The following POTEJ variants were observed in gnomAD, a reference collection of about 807,000 sequenced individuals.
The protein encoded by POTEJ is POTE ankyrin domain family member J, also known as POTE ankyrin domain family, member J.
In POTEJ, 11 loss-of-function variants were observed where a neutral mutation model predicts 69.0. That is an observed-to-expected ratio of 0.16 (90% CI 0.10 to 0.26). The LOEUF is 0.26. Ranked by LOEUF, POTEJ falls within the 10% of genes least tolerant of loss-of-function variation. The pLI is 1.00. For missense variants in POTEJ, 327 were observed against 1,045.5 expected (o/e 0.31, Z 9.48); for synonymous variants, 117 against 381.1 (o/e 0.31, Z 8.07).
chr2:130,649,598 G>A (rs1470537158), intron 13 of POTEJ, among the ~76,000 whole-genome samples: 1 of 152,182 alleles, frequency 6.6e-6, no homozygotes, highest in East Asian at 1.9e-4. Context: ...TCATTCCTCT[G>A]CCCCAGCCCT....
At chr2:130,618,558 A>G (rs2105199460) in intron 3 of POTEJ, among the ~76,000 whole-genome samples, 1 of 147,570 alleles carries the variant, frequency 6.8e-6, no homozygotes, top group Non-Finnish European at 1.5e-5. Flanking sequence ...GGTCAACATA[A>G]TGAGACCCTG....
intron 8 of POTEJ, among the ~76,000 whole-genome samples, 159 bp from the exon 9 acceptor site, chr2:130,632,331 T>C (rs1685934202): frequency 6.7e-6 from 1 of 148,190 alleles, no homozygotes; most frequent in Non-Finnish European, 1.5e-5. Flanking sequence ...TAATTACATC[T>C]TAAAGTTATA....
At chr2:130,624,597 T>G (rs1346580695) in intron 6 of POTEJ, among the ~76,000 whole-genome samples, 3 of 152,068 alleles carry the variant, frequency 2.0e-5, no homozygotes, top group Non-Finnish European at 2.9e-5. Context: ...GAAGCTTCCC[T>G]GGCTTGCCTG....
At chr2:130,646,666 G>A (rs1325039447) in intron 13 of POTEJ, among the ~76,000 whole-genome samples, 4 of 144,134 alleles carry the variant, frequency 2.8e-5, no homozygotes, top group African/African-American at 5.3e-5. Flanking sequence ...CAAAATACTC[G>A]AAAGGTAGTT....
chr2:130,621,304 G>A (rs1293015779), intron 4 of POTEJ, among the ~76,000 whole-genome samples, 162 bp from the exon 5 acceptor site: 2 of 152,130 alleles, frequency 1.3e-5, no homozygotes, highest in Non-Finnish European at 2.9e-5. Context: ...TAACCTTTGT[G>A]GTATTTTACA....
chr2:130,647,127 T>C (rs529792339), intron 13 of POTEJ, among the ~76,000 whole-genome samples: 4 of 150,854 alleles, frequency 2.7e-5, no homozygotes, highest in African/African-American at 1.0e-4. Context: ...AAATAATGTA[T>C]TATGCAACCA....
chr2:130,632,101 G>T (rs1685925964), intron 8 of POTEJ, among the ~76,000 whole-genome samples: 1 of 148,986 alleles, frequency 6.7e-6, no homozygotes, highest in Non-Finnish European at 1.5e-5. Flanking sequence ...AAATCTAGGT[G>T]GTAAAGACAG....
In POTEJ at chr2:130,633,368, T is replaced by TATA. The variant is rs540683527; in HGVS notation, c.1298+713_1298+714insTAA. Among the ~76,000 whole-genome samples the TATA allele has an allele frequency of 7.0e-4, 96 of 137,194 alleles. No individual in the cohort carries two copies. In the East Asian group the frequency reaches 0.013, roughly 18 times the overall value. The allele number at this position is 137,194 out of a possible 152,430, so 90.0% of individuals were successfully genotyped here. ...GATTTGTTACATATATACTTATGTA[T>TATA]AAGGACATTTATTACAGCATTATTA... On this transcript the variant is annotated intron_variant, in intron 9 of 14. Coordinates refer to ENST00000409602, the MANE Select transcript of POTEJ (RefSeq NM_001277083.2).
At chr2:130,644,405 G>T (rs1206879915) in intron 11 of POTEJ, among the ~76,000 whole-genome samples, 2 of 151,512 alleles carry the variant, frequency 1.3e-5, no homozygotes, top group African/African-American at 4.9e-5. Context: ...AGGAGAGGGA[G>T]CTTGCAGTGA....
chr2:130,629,009 A>G (rs1685807678), intron 6 of POTEJ, among the ~76,000 whole-genome samples: 2 of 151,096 alleles, frequency 1.3e-5, no homozygotes, highest in Non-Finnish European at 1.5e-5. Flanking sequence ...ACAGAGCAAG[A>G]CCCTGGCTCA....
intron 10 of POTEJ, among the ~76,000 whole-genome samples, chr2:130,640,886 C>T (rs1573989216): frequency 6.6e-6 from 1 of 152,162 alleles, no homozygotes. Context: ...TGATAGGGAG[C>T]CAACAATGTG....
At chr2:130,639,966 C>T (rs1439018558) in intron 10 of POTEJ, among the ~76,000 whole-genome samples, 1 of 152,172 alleles carries the variant, frequency 6.6e-6, no homozygotes, top group Non-Finnish European at 1.5e-5. Context: ...CTGCTTTATT[C>T]AGTGCTTACT....
At chr2:130,615,574 G>C (rs1175634182) in intron 1 of POTEJ, among the ~76,000 whole-genome samples, 3 of 140,764 alleles carry the variant, frequency 2.1e-5, no homozygotes, top group East Asian at 3.9e-4. Context: ...CAGATACCTA[G>C]AGGGAAGGAA....
intron 8 of POTEJ, among the ~76,000 whole-genome samples, chr2:130,631,912 A>C (rs371737977): frequency 1.4e-5 from 2 of 143,316 alleles, no homozygotes; most frequent in Non-Finnish European, 3.0e-5. Flanking sequence ...GTTTTGGCAA[A>C]CTTTGGCTCC....
At chr2:130,613,265 CATATATATACATATGTATATATACAT>C (rs1333228643) in intron 1 of POTEJ, among the ~76,000 whole-genome samples, 13 of 58,218 alleles carry the variant, frequency 2.2e-4, no homozygotes, top group African/African-American at 2.0e-3. Flanking sequence ...CACATATATA[CATATATATACATATGTATATATACAT>C]ATATATACAT....
chr2:130,625,296 A>G (rs1160813460), intron 6 of POTEJ, among the ~76,000 whole-genome samples: 1 of 152,070 alleles, frequency 6.6e-6, no homozygotes, highest in African/African-American at 2.4e-5. Flanking sequence ...CACTTAACAT[A>G]TAACTATCAA....
At chr2:130,625,585 A>G (rs1158343929) in intron 6 of POTEJ, among the ~76,000 whole-genome samples, 6 of 150,830 alleles carry the variant, frequency 4.0e-5, no homozygotes, top group Admixed American at 2.6e-4. Context: ...AAGCAGAAGA[A>G]GAATGTTTGG....
intron 1 of POTEJ, among the ~76,000 whole-genome samples, chr2:130,613,308 A>G (rs1291917253): frequency 8.1e-6 from 1 of 123,668 alleles, no homozygotes; most frequent in Non-Finnish European, 1.5e-5. Context: ...ACATATGTAT[A>G]TATACATATA....
At chr2:130,612,680 G>A (rs1459091359) in intron 1 of POTEJ, among the ~76,000 whole-genome samples, 200 of 132,436 alleles carry the variant, frequency 1.5e-3, no homozygotes, top group Admixed American at 2.1e-3. Context: ...GGAGAATGGC[G>A]TGAACTCGGG....
Sources: gnomAD v4.1 joint callset for allele counts (sites outside exome capture counted in the v4.1 genomes callset) on GRCh38, gnomAD v4.1.1 for gene constraint, MANE v1.5 for transcripts, NCBI Gene and HGNC (gene_info 2026-07-23, HGNC 2026-07-21) for gene names.